Variants in PWWP3B observed in about 807,000 individuals in gnomAD.
PWWP3B encodes PWWP domain-containing DNA repair factor 3B.
A neutral mutation model predicts 15.7 loss-of-function variants in PWWP3B; 5 were observed. The observed-to-expected ratio is 0.32, with a 90% CI of 0.17 to 0.67. The LOEUF is 0.67. Among genes scored for constraint, PWWP3B ranks in the 30% least tolerant of loss-of-function variants. The pLI, the probability that PWWP3B is intolerant of heterozygous loss-of-function variation, is 0.74. For missense variants in PWWP3B, 519 were observed against 493.1 expected, an observed-to-expected ratio of 1.05 and a Z score of -0.50; for synonymous variants, 203 against 179.8, an observed-to-expected ratio of 1.13 and a Z score of -1.03.
At chrX:106,194,161 G>A (rs375852581) in intron 2 of PWWP3B, among the ~76,000 whole-genome samples, 6 of 111,603 alleles carry the variant, frequency 5.4e-5, no homozygotes, top group Admixed American at 2.8e-4. Flanking sequence ...CATTCTCCCC[G>A]TCACTTTCAG....
At chrX:106,184,872 T>G (rs1922413607) in intron 2 of PWWP3B, among the ~76,000 whole-genome samples, 1 of 109,815 alleles carries the variant, frequency 9.1e-6, no homozygotes, top group South Asian at 4.1e-4. Flanking sequence ...AGCCCAGGGG[T>G]TTTTGTGGTC....
chrX:106,168,586 GA>G lies in PWWP3B; in HGVS notation c.-529+166del, dbSNP rs752886116. ...GGTGGTAATCAACATTACACCTGTGGAAAAATATTCTTAAAGAGGTAGCAAA... is the reference window on the plus strand; with the variant it reads ...GGTGGTAATCAACATTACACCTGTGGAAAATATTCTTAAAGAGGTAGCAAA... On this transcript the variant is annotated intron_variant, in intron 1 of 3. Transcript: ENST00000357175. Among the ~76,000 whole-genome samples, 463 of 112,243 alleles carry G rather than the reference GA, an allele frequency of 4.1e-3. 4 individuals carry two copies. Among genetic ancestry groups the G allele is most frequent in the African/African-American group, 0.014 (441 of 30,931 alleles).
chrX:106,204,949 C>G (rs958948572), intron 3 of PWWP3B, among the ~76,000 whole-genome samples: 1 of 111,090 alleles, frequency 9.0e-6, no homozygotes, highest in Non-Finnish European at 1.9e-5. Context: ...CAAGCTCTCC[C>G]GCCTCTGCTG....
chrX:106,186,712 G>A (rs1922533774), intron 2 of PWWP3B, among the ~76,000 whole-genome samples: 1 of 110,582 alleles, frequency 9.0e-6, no homozygotes, highest in Non-Finnish European at 1.9e-5. Context: ...TGTGAAGAGT[G>A]AAAGAACAAA....
At chrX:106,171,786 A>G (rs1197348381) in intron 2 of PWWP3B, among the ~76,000 whole-genome samples, 1 of 110,432 alleles carries the variant, frequency 9.1e-6, no homozygotes, top group African/African-American at 3.3e-5. Flanking sequence ...AAGCAGTTGC[A>G]ACACAACTGC....
Position 106,192,117 on chromosome X carries a change from T to C in PWWP3B, c.-400-11868T>C, listed in dbSNP as rs1923017406. The stretch of plus-strand genomic sequence containing the variant: ...ATTGGAATAGTTTCAGAAGGAATGG[T>C]ACCACCTACTTTTTGTACCTCTGTT... On this transcript the variant is annotated intron_variant, in intron 2 of 3. Transcript: ENST00000357175. Among the ~76,000 whole-genome samples, 3 of 111,937 alleles carry C rather than the reference T, an allele frequency of 2.7e-5. No individual in the cohort carries two copies. The Admixed American group carries it at 2.8e-4, about 11-fold the overall frequency.
rs755241323 is a variant in PWWP3B, at chrX:106,207,756, A to AT, written c.*239dup. The AT allele has an allele frequency of 1.3e-5, 4 of 314,698 alleles. No homozygotes were observed. Among genetic ancestry groups the AT allele is most frequent in the East Asian group, 5.0e-5 (1 of 19,944 alleles). The allele number at this position is 314,698 out of a possible 1,213,427, so 25.9% of individuals were successfully genotyped here. A position where few individuals can be genotyped will look rare whatever the true frequency, so the allele number is the denominator to read the frequency against. On this transcript the variant is annotated 3_prime_UTR_variant, in exon 4 of 4. Coordinates refer to ENST00000357175, the MANE Select transcript of PWWP3B (RefSeq NM_001171020.2). ...TTTCAGCAGTTCTACTTTCCCGTACATTTTTTAGAAAGCATAATTCCTAAA... is the reference window on the plus strand; with the variant it reads ...TTTCAGCAGTTCTACTTTCCCGTACATTTTTTTAGAAAGCATAATTCCTAAA...
At chrX:106,179,809 G>T (rs974653353) in intron 2 of PWWP3B, among the ~76,000 whole-genome samples, 35 of 111,950 alleles carry the variant, frequency 3.1e-4, no homozygotes, top group Non-Finnish European at 4.3e-4. Context: ...TTTCACTCTC[G>T]CTCAGTAGCC....
intron 2 of PWWP3B, among the ~76,000 whole-genome samples, chrX:106,193,558 A>C (rs1288118395): frequency 9.0e-6 from 1 of 111,444 alleles, no homozygotes; most frequent in Admixed American, 9.5e-5. Flanking sequence ...TAATATTGTT[A>C]TGTGTGAATT....
chrX:106,190,412 T>G (rs868553269), intron 2 of PWWP3B, among the ~76,000 whole-genome samples: 21 of 111,950 alleles, frequency 1.9e-4, no homozygotes, highest in Middle Eastern at 4.6e-3. Flanking sequence ...TCTTGTAAAT[T>G]TGTTTGAGTT....
intron 2 of PWWP3B, among the ~76,000 whole-genome samples, chrX:106,189,261 G>A (rs942635509): frequency 9.0e-6 from 1 of 110,986 alleles, no homozygotes; most frequent in African/African-American, 3.3e-5. Flanking sequence ...TTTAAGGTTA[G>A]AGTACATGTG....
chrX:106,176,154 C>T (rs770355794), intron 2 of PWWP3B, among the ~76,000 whole-genome samples: 1 of 111,114 alleles, frequency 9.0e-6, no homozygotes, highest in Non-Finnish European at 1.9e-5. Flanking sequence ...AGTGCAGTGG[C>T]GCGATCTCAG....
At chrX:106,191,319 A>T (rs1461443587) in intron 2 of PWWP3B, among the ~76,000 whole-genome samples, 1 of 110,840 alleles carries the variant, frequency 9.0e-6, no homozygotes, top group Non-Finnish European at 1.9e-5. Context: ...TGTGAATGGG[A>T]GTTCACTCAT....
chrX:106,192,100 A>C (rs1923015853), intron 2 of PWWP3B, among the ~76,000 whole-genome samples: 1 of 111,894 alleles, frequency 8.9e-6, no homozygotes, highest in Non-Finnish European at 1.9e-5. Context: ...TGATTGGAAT[A>C]GTTTCAGAAG....
At position 106,207,343 on chromosome X, in the gene PWWP3B, A is replaced by G; in HGVS notation, c.1911A>G (p.Leu637=). The part of the protein sequence containing the change: ...WIKDDKIKFI[L]EVLLPEAIIC... ...AAGATGATAAAATTAAATTTATCCT[A>G]GAAGTTCTTCTGCCAGAAGCAATTA... The change falls in exon 4 of 4, where the codon CTA becomes CTG. Residue 637 remains leucine, a synonymous_variant. Transcript: ENST00000357175. 1 of 1,194,931 alleles carries G rather than the reference A, an allele frequency of 8.4e-7. No homozygotes were observed. The highest frequency in any genetic ancestry group is 1.8e-5 in the South Asian group (1 of 54,404).
At chrX:106,170,198 G>A (rs1246292995) in intron 1 of PWWP3B, among the ~76,000 whole-genome samples, 1 of 111,740 alleles carries the variant, frequency 8.9e-6, no homozygotes, top group Non-Finnish European at 1.9e-5. Context: ...GATATGGAAA[G>A]ATGTTCAAAT....
chrX:106,200,000 T>C lies in PWWP3B; in HGVS notation c.-400-3985T>C, dbSNP rs1199296363. 2.7e-5 allele frequency among the ~76,000 whole-genome samples: 3 copies of C among 111,745 alleles called. No homozygotes were observed. The Admixed American group carries it at 2.8e-4, about 11-fold the overall frequency. On this transcript the variant is annotated intron_variant, in intron 2 of 3. Transcript: ENST00000357175. ...TGTTTGTCAACCTCTGTCTCATTTTTCTCCTGGGGTCACAGGGAGATTACA... is the reference window on the plus strand; with the variant it reads ...TGTTTGTCAACCTCTGTCTCATTTTCCTCCTGGGGTCACAGGGAGATTACA...
chrX:106,197,673 C>T (rs1055085211), intron 2 of PWWP3B, among the ~76,000 whole-genome samples: 1 of 112,288 alleles, frequency 8.9e-6, no homozygotes, highest in African/African-American at 3.2e-5. Flanking sequence ...ACAAAGCTAA[C>T]GCATGCTTTA....
intron 1 of PWWP3B, among the ~76,000 whole-genome samples, chrX:106,169,797 C>T (rs1334042567): frequency 8.9e-6 from 1 of 112,016 alleles, no homozygotes; most frequent in Non-Finnish European, 1.9e-5. Flanking sequence ...GAGTAAATGT[C>T]CAAGGTAGTT....
Sources: allele counts gnomAD v4.1 joint callset (sites outside exome capture counted in the v4.1 genomes callset), GRCh38; gene constraint gnomAD v4.1.1; transcripts MANE v1.5; gene names NCBI Gene and HGNC (gene_info 2026-07-23, HGNC 2026-07-21).